Variants in SMG6 observed in about 807,000 individuals in gnomAD.
SMG6 encodes the protein telomerase-binding protein EST1A.
Under a neutral mutation model 142.2 loss-of-function variants are expected in SMG6, and 66 were observed. That is an observed-to-expected ratio of 0.46 (90% CI 0.38 to 0.57). The LOEUF (loss-of-function observed/expected upper bound fraction) is 0.57. Among genes scored for constraint, SMG6 ranks in the 20% least tolerant of loss-of-function variants. SMG6 has a pLI of 0.00. For missense variants in SMG6, 1,793 were observed against 1,832.0 expected, an observed-to-expected ratio of 0.98 and a Z score of 0.39; for synonymous variants, 779 against 702.4, an observed-to-expected ratio of 1.11 and a Z score of -1.72.
chr17:2,233,391 T>C (rs1205364304), intron 10 of SMG6: 1 of 152,340 alleles, frequency 6.6e-6, no homozygotes, highest in African/African-American at 2.4e-5. Context: ...TGACTGCCAA[T>C]TCACCACAGA....
intron 13 of SMG6, among the ~76,000 whole-genome samples, chr17:2,171,303 C>A (rs1377707141): frequency 2.0e-5 from 3 of 150,920 alleles, no homozygotes; most frequent in African/African-American, 7.3e-5. Context: ...AAAATAAAAA[C>A]AAATAGTATA....
At chr17:2,242,308 C>A (rs1218744231) in intron 9 of SMG6, among the ~76,000 whole-genome samples, 1 of 139,404 alleles carries the variant, frequency 7.2e-6, no homozygotes, top group East Asian at 2.1e-4. Context: ...GTCAGGAGAT[C>A]GAGACCATCC....
At chr17:2,138,465 T>C (rs1009175270) in intron 13 of SMG6, among the ~76,000 whole-genome samples, 3 of 152,042 alleles carry the variant, frequency 2.0e-5, no homozygotes, top group Non-Finnish European at 2.9e-5. Flanking sequence ...CCAGACTAAA[T>C]GAAGACATAT....
chr17:2,169,314 A>C (rs1255316486), intron 13 of SMG6, among the ~76,000 whole-genome samples: 1 of 151,174 alleles, frequency 6.6e-6, no homozygotes, highest in Non-Finnish European at 1.5e-5. Context: ...CATCTCTTAA[A>C]AAAAAAAAAA....
chr17:2,118,159 C>CTTGAGCCTGGGAGG (rs1358976356), intron 13 of SMG6, among the ~76,000 whole-genome samples: 1 of 152,152 alleles, frequency 6.6e-6, no homozygotes, highest in Non-Finnish European at 1.5e-5. Flanking sequence ...GGGAGGATCA[C>CTTGAGCCTGGGAGG]TTGAGCCTGG....
chr17:2,136,950 G>A (rs1461972759), intron 13 of SMG6, among the ~76,000 whole-genome samples: 1 of 152,062 alleles, frequency 6.6e-6, no homozygotes, highest in Non-Finnish European at 1.5e-5. Flanking sequence ...CTTGAGCCAG[G>A]AGTTCAAGAA....
intron 10 of SMG6, among the ~76,000 whole-genome samples, chr17:2,193,991 A>G (rs1270435212): frequency 6.6e-6 from 1 of 152,138 alleles, no homozygotes; most frequent in Non-Finnish European, 1.5e-5. Context: ...CAGTTTCACC[A>G]TGTTGGTCAG....
chr17:2,113,174 T>A (rs75072077), intron 13 of SMG6, among the ~76,000 whole-genome samples: 1 of 151,980 alleles, frequency 6.6e-6, no homozygotes, highest in East Asian at 1.9e-4. Flanking sequence ...CCAGTGATCC[T>A]CCCCGCGACT....
At chr17:2,277,425 T>C (rs1010331666) in intron 8 of SMG6, among the ~76,000 whole-genome samples, 1 of 151,896 alleles carries the variant, frequency 6.6e-6, no homozygotes, top group Admixed American at 6.6e-5. Flanking sequence ...GTTGGCCTCC[T>C]AAAGAGCTGG....
At chr17:2,108,837 G>A (rs556165613) in intron 13 of SMG6, among the ~76,000 whole-genome samples, 6 of 151,856 alleles carry the variant, frequency 4.0e-5, no homozygotes, top group Non-Finnish European at 7.4e-5. Flanking sequence ...GCAGCTACTC[G>A]GGAGGCTGAG....
chr17:2,087,759 T>C, intron 13 of SMG6: 10 of 985,788 alleles, frequency 1.0e-5, no homozygotes, highest in Non-Finnish European at 1.2e-5. Flanking sequence ...CCGAAATGAG[T>C]AATAGCCTGG....
chr17:2,289,078 C>CAAAA (rs34494754), intron 6 of SMG6, among the ~76,000 whole-genome samples: 8 of 87,934 alleles, frequency 9.1e-5, no homozygotes, highest in African/African-American at 3.2e-4. Flanking sequence ...GACTCTGTCT[C>CAAAA]AAAAAAAAAA....
chr17:2,289,625 T>C (rs1448014060), intron 6 of SMG6, among the ~76,000 whole-genome samples: 1 of 152,026 alleles, frequency 6.6e-6, no homozygotes, highest in African/African-American at 2.4e-5. Flanking sequence ...ACAATTAAAA[T>C]TTTAAAACTG....
intron 13 of SMG6, among the ~76,000 whole-genome samples, chr17:2,093,445 G>A (rs931979753): frequency 2.0e-5 from 3 of 151,984 alleles, no homozygotes; most frequent in African/African-American, 7.3e-5. Flanking sequence ...AAAGACAGAG[G>A]GAATACATAT....
At position 2,121,625 on chromosome 17, in the gene SMG6, G is replaced by C. The variant is rs189381738; in HGVS notation, c.3358-35724C>G. 3.9e-4 allele frequency among the ~76,000 whole-genome samples: 25 copies of C among 63,958 alleles called. 2 individuals are homozygous for C. Among genetic ancestry groups the C allele is most frequent in the African/African-American group, 2.3e-3 (23 of 10,078 alleles). 42.0% of individuals were successfully genotyped at this position (63,958 alleles called of 152,430 possible). A position where few individuals can be genotyped will look rare whatever the true frequency, so the allele number is the denominator to read the frequency against. On this transcript the variant is annotated intron_variant, in intron 13 of 18. Coordinates refer to ENST00000263073, the MANE Select transcript of SMG6 (RefSeq NM_017575.5). ...TGTGTGTGTGTGTGTGTGTGTGTGTGTGTGTGTGTGTGTGTGTGTGTAGAG... is the reference window on the plus strand; with the variant it reads ...TGTGTGTGTGTGTGTGTGTGTGTGTCTGTGTGTGTGTGTGTGTGTGTAGAG...
chr17:2,124,443 C>T (rs953147267), intron 13 of SMG6, among the ~76,000 whole-genome samples: 4 of 152,172 alleles, frequency 2.6e-5, no homozygotes, highest in African/African-American at 4.8e-5. Context: ...GGCCAGGGAA[C>T]AAAGTTCCAT....
At chr17:2,228,497 G>A (rs1293604635) in intron 10 of SMG6, among the ~76,000 whole-genome samples, 1 of 152,160 alleles carries the variant, frequency 6.6e-6, no homozygotes, top group African/African-American at 2.4e-5. Flanking sequence ...AAAGTGCTGG[G>A]ACTACAGGCG....
At chr17:2,208,362 G>C (rs1460322690) in intron 10 of SMG6, among the ~76,000 whole-genome samples, 1 of 152,120 alleles carries the variant, frequency 6.6e-6, no homozygotes, top group Non-Finnish European at 1.5e-5. Context: ...ATTTCTACCT[G>C]TAGAAATACT....
At chr17:2,138,102 T>C (rs988094038) in intron 13 of SMG6, among the ~76,000 whole-genome samples, 2 of 151,958 alleles carry the variant, frequency 1.3e-5, no homozygotes, top group African/African-American at 4.8e-5. Flanking sequence ...AAAATGCCTT[T>C]GGTGTTGTTA....
Sources: gnomAD v4.1 joint callset for allele counts (sites outside exome capture counted in the v4.1 genomes callset) on GRCh38, gnomAD v4.1.1 for gene constraint, MANE v1.5 for transcripts, NCBI Gene and HGNC (gene_info 2026-07-23, HGNC 2026-07-21) for gene names.